CNTLN: variants seen among roughly 807,000 people sequenced by gnomAD.
CNTLN encodes centlein.
A neutral mutation model predicts 180.0 loss-of-function variants in CNTLN; 212 were observed. That is an observed-to-expected ratio of 1.18 (90% CI 1.05 to 1.32). The LOEUF (loss-of-function observed/expected upper bound fraction) is 1.32. CNTLN is among the 40% of genes most tolerant of loss of function. The probability of loss-of-function intolerance (pLI) is 0.00; values close to 1 mark genes in which losing one functional copy is unlikely to be tolerated. For synonymous variants in CNTLN, 722 were observed against 563.1 expected, an observed-to-expected ratio of 1.28 and a Z score of -3.99; for missense variants, 2,095 against 1,610.9, an observed-to-expected ratio of 1.30 and a Z score of -5.14.
At chr9:17,212,156 G>A (rs1404092189) in intron 2 of CNTLN, among the ~76,000 whole-genome samples, 2 of 152,166 alleles carry the variant, frequency 1.3e-5, no homozygotes, top group Admixed American at 6.6e-5. Context: ...AATGCTTCCA[G>A]TTTTTGCCCA....
At chr9:17,364,411 G>GTTA (rs909999139) in intron 12 of CNTLN, among the ~76,000 whole-genome samples, 2 of 151,650 alleles carry the variant, frequency 1.3e-5, no homozygotes, top group Non-Finnish European at 2.9e-5. Flanking sequence ...CTGGTATTAT[G>GTTA]TTATTATTAT....
intron 2 of CNTLN, among the ~76,000 whole-genome samples, chr9:17,214,355 T>G (rs1377634764): frequency 6.6e-6 from 1 of 152,202 alleles, no homozygotes; most frequent in Non-Finnish European, 1.5e-5. Flanking sequence ...TTGAAAATTA[T>G]TTTCTTTAAG....
At chr9:17,459,616 A>G (rs1380088909) in intron 19 of CNTLN, among the ~76,000 whole-genome samples, 1 of 151,788 alleles carries the variant, frequency 6.6e-6, no homozygotes, top group Non-Finnish European at 1.5e-5. Context: ...TATCTTAAAT[A>G]GCAAACGTAT....
intron 10 of CNTLN, among the ~76,000 whole-genome samples, chr9:17,335,928 AAACAAAAAC>A (rs1820993026): frequency 6.6e-6 from 1 of 151,664 alleles, no homozygotes; most frequent in African/African-American, 2.4e-5. Context: ...TCTGTCTCAA[AAACAAAAAC>A]AAAAACAAAG....
intron 25 of CNTLN, among the ~76,000 whole-genome samples, chr9:17,500,058 T>C (rs1833661026): frequency 1.3e-5 from 2 of 152,194 alleles, no homozygotes; most frequent in Admixed American, 1.3e-4. Flanking sequence ...ACAAATAGGT[T>C]CCTGCAAGGG....
intron 7 of CNTLN, among the ~76,000 whole-genome samples, chr9:17,308,505 TTAAC>T (rs965797829): frequency 2.6e-5 from 4 of 152,100 alleles, no homozygotes; most frequent in South Asian, 2.1e-4. Flanking sequence ...TCAACATTAA[TTAAC>T]TGTTAATGAA....
At chr9:17,492,101 C>T (rs1411465730) in intron 25 of CNTLN, among the ~76,000 whole-genome samples, 1 of 152,154 alleles carries the variant, frequency 6.6e-6, no homozygotes, top group Non-Finnish European at 1.5e-5. Flanking sequence ...GATGAAGTAG[C>T]AAGAGTTTAA....
At chr9:17,297,460 A>G (rs1818027523) in intron 6 of CNTLN, among the ~76,000 whole-genome samples, 1 of 152,202 alleles carries the variant, frequency 6.6e-6, no homozygotes, top group South Asian at 2.1e-4. Flanking sequence ...AGTTTGTATA[A>G]TCTGTATCAC....
At chr9:17,348,570 G>A (rs1482299086) in intron 12 of CNTLN, among the ~76,000 whole-genome samples, 2 of 146,050 alleles carry the variant, frequency 1.4e-5, no homozygotes, top group African/African-American at 5.1e-5. Context: ...TTGCTCTGTC[G>A]CCCAGGCTGC....
chr9:17,150,649 A>G (rs763766039), intron 2 of CNTLN, among the ~76,000 whole-genome samples: 1 of 152,132 alleles, frequency 6.6e-6, no homozygotes, highest in Non-Finnish European at 1.5e-5. Context: ...TTTTGGTTCC[A>G]TATGAACTTT....
At chr9:17,522,318 C>G in the CNTLN span, among the ~76,000 whole-genome samples, 3 of 152,090 alleles carry the variant, frequency 2.0e-5, no homozygotes, top group South Asian at 6.2e-4. Flanking sequence ...ATTGTGCTAA[C>G]CGGTTTCATT....
At chr9:17,454,562 G>A (rs2134137423) in intron 18 of CNTLN, among the ~76,000 whole-genome samples, 1 of 152,340 alleles carries the variant, frequency 6.6e-6, no homozygotes. Flanking sequence ...ACGTGTTAAA[G>A]TTTTATTAAT....
chr9:17,284,809 T>C (rs915341247), intron 6 of CNTLN, among the ~76,000 whole-genome samples: 1 of 152,076 alleles, frequency 6.6e-6, no homozygotes, highest in African/African-American at 2.4e-5. Flanking sequence ...TGTTGTGGTT[T>C]ATTTGCTCTT....
intron 23 of CNTLN, among the ~76,000 whole-genome samples, chr9:17,474,701 T>C (rs1017836264): frequency 2.0e-5 from 3 of 152,012 alleles, no homozygotes; most frequent in African/African-American, 7.2e-5. Flanking sequence ...AAACCCCGTC[T>C]CTACTAAAAA....
At chr9:17,141,445 G>A (rs552752648) in intron 1 of CNTLN, among the ~76,000 whole-genome samples, 1 of 152,280 alleles carries the variant, frequency 6.6e-6, no homozygotes, top group East Asian at 1.9e-4. Flanking sequence ...GATGCAGTAT[G>A]TGCATTGGCC....
intron 12 of CNTLN, among the ~76,000 whole-genome samples, chr9:17,351,352 A>C (rs1056168108): frequency 6.6e-6 from 1 of 152,206 alleles, no homozygotes; most frequent in African/African-American, 2.4e-5. Context: ...TATCTAGCAT[A>C]GAACCCTCTT....
chr9:17,205,854 A>G (rs137974626), intron 2 of CNTLN, among the ~76,000 whole-genome samples: 19 of 152,310 alleles, frequency 1.2e-4, no homozygotes, highest in Admixed American at 2.0e-4. Flanking sequence ...GGACTATTTA[A>G]TCAGCAGGCA....
intron 7 of CNTLN, among the ~76,000 whole-genome samples, chr9:17,304,241 T>C (rs1818557547): frequency 1.3e-5 from 2 of 152,092 alleles, no homozygotes; most frequent in African/African-American, 4.8e-5. Context: ...AGTCTACCAG[T>C]CATATAGTGT....
chr9:17,377,933 A>G (rs1824912353), intron 13 of CNTLN, among the ~76,000 whole-genome samples: 1 of 152,164 alleles, frequency 6.6e-6, no homozygotes, highest in South Asian at 2.1e-4. Context: ...TTCCTGAAAT[A>G]CCTATGCATT....
Sources: gnomAD v4.1 joint callset for allele counts (sites outside exome capture counted in the v4.1 genomes callset) on GRCh38, gnomAD v4.1.1 for gene constraint, MANE v1.5 for transcripts, NCBI Gene and HGNC (gene_info 2026-07-23, HGNC 2026-07-21) for gene names.